LRP1B: variants seen among roughly 807,000 people sequenced by gnomAD.
LRP1B encodes LDL receptor related protein 1B, also known as low-density lipoprotein receptor-related protein 1B.
Under a neutral mutation model 556.6 loss-of-function variants are expected in LRP1B, and 217 were observed. That is an observed-to-expected ratio of 0.39 (90% CI 0.35 to 0.44). The LOEUF (loss-of-function observed/expected upper bound fraction) is 0.44. Ranked by LOEUF, LRP1B falls within the 20% of genes least tolerant of loss-of-function variation. The pLI, the probability that LRP1B is intolerant of heterozygous loss-of-function variation, is 1.00. For synonymous variants in LRP1B, 2,047 were observed against 1,865.8 expected, an observed-to-expected ratio of 1.10 and a Z score of -2.50; for missense variants, 5,053 against 5,620.8, an observed-to-expected ratio of 0.90 and a Z score of 3.23.
At chr2:141,685,316 G>T (rs1691256513) in intron 2 of LRP1B, among the ~76,000 whole-genome samples, 2 of 151,916 alleles carry the variant, frequency 1.3e-5, no homozygotes, top group Admixed American at 1.3e-4. Flanking sequence ...ATTATATTTG[G>T]GACTTTTGAT....
chr2:140,897,819 T>C (rs75645911), intron 23 of LRP1B, among the ~76,000 whole-genome samples: 8,532 of 152,196 alleles, frequency 0.056, 249 homozygotes, highest in East Asian at 0.1. Context: ...GACTGAAGGC[T>C]GCGCTATCGG....
chr2:141,254,479 G>T, intron 4 of LRP1B, 43 bp downstream of exon 4: 3 of 1,601,520 alleles, frequency 1.9e-6, no homozygotes, highest in Non-Finnish European at 2.6e-6. Context: ...TGTTAACTAA[G>T]CCTCTATAAA....
At chr2:142,092,706 T>C (rs1706218701) in intron 1 of LRP1B, among the ~76,000 whole-genome samples, 1 of 151,924 alleles carries the variant, frequency 6.6e-6, no homozygotes, top group African/African-American at 2.4e-5. Context: ...AGGAAAATAA[T>C]AGTTCAGTGA....
rs572622455 is a variant in LRP1B, at chr2:140,268,949, T to C, written c.13247+1293A>G. ...TACTAAATAAAAATTATTCCAAATA[T>C]AGCATATGGAAGTACTCTTAAAACA... On this transcript the variant is annotated intron_variant, in intron 86 of 90. Coordinates refer to ENST00000389484, the MANE Select transcript of LRP1B (RefSeq NM_018557.3). Among the ~76,000 whole-genome samples, 5 of 152,080 alleles carry C rather than the reference T, an allele frequency of 3.3e-5. No individual in the cohort carries two copies. The South Asian group carries it at 1.0e-3, about 31-fold the overall frequency.
intron 37 of LRP1B, among the ~76,000 whole-genome samples, chr2:140,710,918 ATG>A (rs921149182): frequency 5.9e-5 from 9 of 152,232 alleles, no homozygotes; most frequent in African/African-American, 1.9e-4. Context: ...AGAAGAAAAC[ATG>A]TGGAAAGTAA....
intron 78 of LRP1B, among the ~76,000 whole-genome samples, chr2:140,335,050 TATCA>T (rs1254672586): frequency 6.6e-6 from 1 of 152,032 alleles, no homozygotes; most frequent in Non-Finnish European, 1.5e-5. Context: ...ACTCAGGAGT[TATCA>T]ATCCACTTAT....
At chr2:141,222,719 C>T (rs1202139800) in intron 6 of LRP1B, among the ~76,000 whole-genome samples, 2 of 152,104 alleles carry the variant, frequency 1.3e-5, no homozygotes, top group Non-Finnish European at 2.9e-5. Flanking sequence ...AGCCAACTTG[C>T]AAGGCTGGTT....
chr2:141,974,668 T>C (rs1042666187), intron 1 of LRP1B, among the ~76,000 whole-genome samples: 2 of 152,122 alleles, frequency 1.3e-5, no homozygotes, highest in African/African-American at 4.8e-5. Context: ...CTTCAAAAAC[T>C]AGCCTCCCAC....
intron 2 of LRP1B, among the ~76,000 whole-genome samples, chr2:141,741,745 C>T (rs1211107665): frequency 2.0e-5 from 3 of 152,016 alleles, no homozygotes; most frequent in Non-Finnish European, 4.4e-5. Flanking sequence ...TGTAGTTTAC[C>T]TCTTCACTTT....
chr2:141,626,870 C>A (rs1234227250), intron 2 of LRP1B, among the ~76,000 whole-genome samples: 1 of 152,178 alleles, frequency 6.6e-6, no homozygotes, highest in African/African-American at 2.4e-5. Flanking sequence ...GATATAGCCA[C>A]TTTGGAAGAC....
intron 41 of LRP1B, among the ~76,000 whole-genome samples, chr2:140,689,154 A>G (rs1323177450): frequency 6.6e-6 from 1 of 152,246 alleles, no homozygotes; most frequent in Non-Finnish European, 1.5e-5. Context: ...TATTCTATAT[A>G]TGAGTCCCTG....
intron 11 of LRP1B, among the ~76,000 whole-genome samples, chr2:141,022,487 A>T (rs1453661863): frequency 1.3e-5 from 2 of 152,042 alleles, no homozygotes; most frequent in Admixed American, 6.6e-5. Flanking sequence ...TAAGGGAAGC[A>T]TTCTGCTTCC....
intron 1 of LRP1B, among the ~76,000 whole-genome samples, chr2:141,851,432 T>C (rs768829117): frequency 5.9e-5 from 9 of 151,846 alleles, no homozygotes; most frequent in Admixed American, 1.3e-4. Flanking sequence ...AAATATACTG[T>C]ACTCAGGAAT....
At chr2:142,088,768 G>A (rs1339407543) in intron 1 of LRP1B, among the ~76,000 whole-genome samples, 2 of 152,148 alleles carry the variant, frequency 1.3e-5, no homozygotes, top group Admixed American at 6.5e-5. Context: ...GAGGTCAGGA[G>A]ATCGAGACCA....
chr2:141,733,736 G>A (rs1330945701), intron 2 of LRP1B, among the ~76,000 whole-genome samples: 2 of 152,084 alleles, frequency 1.3e-5, no homozygotes, highest in Admixed American at 1.3e-4. Context: ...TGCTTTGAGA[G>A]TACGGTTCCT....
intron 1 of LRP1B, among the ~76,000 whole-genome samples, chr2:141,945,762 A>G (rs1700936044): frequency 7.2e-6 from 1 of 139,820 alleles, no homozygotes; most frequent in Admixed American, 7.8e-5. Flanking sequence ...AATGCACTTC[A>G]TCTGTCTCAT....
chr2:140,232,666 G>T lies in LRP1B; in HGVS notation c.*520C>A, dbSNP rs949717537. 6.6e-6 allele frequency: 1 copy of T among 151,636 alleles called. No homozygotes were observed. Among genetic ancestry groups the T allele is most frequent in the African/African-American group, 2.4e-5 (1 of 41,286 alleles). The allele number at this position is 151,636 out of a possible 1,614,324, so 9.4% of individuals were successfully genotyped here. A position where few individuals can be genotyped will look rare whatever the true frequency, so the allele number is the denominator to read the frequency against. ...ATCTAAGGCTAATTTCAAAGCAGGT[G>T]ATGCTGAACTTGTGAGAGCTATATA... On this transcript the variant is annotated 3_prime_UTR_variant, in exon 91 of 91. Transcript: ENST00000389484.
chr2:141,805,134 T>C (rs1053360316), intron 2 of LRP1B, among the ~76,000 whole-genome samples: 2 of 152,120 alleles, frequency 1.3e-5, no homozygotes, highest in African/African-American at 4.8e-5. Context: ...CTGCATTTGC[T>C]TTCTGTGCAA....
intron 31 of LRP1B, among the ~76,000 whole-genome samples, chr2:140,819,003 T>A (rs909161236): frequency 5.9e-5 from 9 of 151,396 alleles, no homozygotes; most frequent in Non-Finnish European, 1.0e-4. Flanking sequence ...CTTTGTCTGT[T>A]CCATCCCTGG....
Sources: allele counts gnomAD v4.1 joint callset (sites outside exome capture counted in the v4.1 genomes callset), GRCh38; gene constraint gnomAD v4.1.1; transcripts MANE v1.5; gene names NCBI Gene and HGNC (gene_info 2026-07-23, HGNC 2026-07-21).